The following CRACD variants were observed in gnomAD, a reference collection of about 807,000 sequenced individuals.
CRACD encodes capping protein-inhibiting regulator of actin dynamics.
CRACD carries 56 observed loss-of-function variants against 106.8 expected under a neutral mutation model. The observed-to-expected ratio is 0.52, with a 90% CI of 0.42 to 0.66. The LOEUF is 0.66. CRACD is among the 30% of genes least tolerant of loss of function. The pLI is 0.00. For missense variants in CRACD, 1,730 were observed against 1,623.2 expected (o/e 1.07, Z -1.13); for synonymous variants, 754 against 670.8 (o/e 1.12, Z -1.92).
intron 1 of CRACD, among the ~76,000 whole-genome samples, chr4:56,175,507 A>T (rs1356080768): frequency 1.3e-5 from 2 of 152,036 alleles, no homozygotes; most frequent in East Asian, 1.9e-4. Flanking sequence ...ATTTTTTAAA[A>T]TTTTTTAAAT....
At chr4:56,136,720 C>G (rs1735012730) in intron 1 of CRACD, among the ~76,000 whole-genome samples, 1 of 152,048 alleles carries the variant, frequency 6.6e-6, no homozygotes, top group Non-Finnish European at 1.5e-5. Context: ...TTTTCATGTT[C>G]TTAACTGTAT....
intron 1 of CRACD, among the ~76,000 whole-genome samples, chr4:56,093,899 A>G (rs1392117515): frequency 6.6e-6 from 1 of 152,166 alleles, no homozygotes; most frequent in Non-Finnish European, 1.5e-5. Flanking sequence ...TCAGTAATGT[A>G]TGCACCAGGG....
intron 1 of CRACD, among the ~76,000 whole-genome samples, chr4:56,161,106 G>A (rs1210832610): frequency 2.6e-5 from 4 of 152,154 alleles, no homozygotes; most frequent in South Asian, 2.1e-4. Flanking sequence ...TAACTGAAAA[G>A]TGTTCATTAT....
At chr4:56,269,929 G>C (rs1193032282) in intron 2 of CRACD, among the ~76,000 whole-genome samples, 1 of 152,128 alleles carries the variant, frequency 6.6e-6, no homozygotes, top group Non-Finnish European at 1.5e-5. Context: ...ACACTTTCCT[G>C]TCTTTCAAAT....
At chr4:56,257,295 T>A (rs1741420564) in intron 2 of CRACD, among the ~76,000 whole-genome samples, 1 of 151,956 alleles carries the variant, frequency 6.6e-6, no homozygotes, top group Admixed American at 6.5e-5. Context: ...CTGGCCAGGC[T>A]GGTCTCAAAT....
intron 1 of CRACD, among the ~76,000 whole-genome samples, chr4:56,135,071 C>T (rs1734955122): frequency 1.3e-5 from 2 of 151,984 alleles, no homozygotes; most frequent in Admixed American, 1.3e-4. Flanking sequence ...ATTACAAGGT[C>T]AAGAGTTCAA....
At chr4:56,210,869 T>G (rs1020309595) in intron 2 of CRACD, among the ~76,000 whole-genome samples, 3 of 152,200 alleles carry the variant, frequency 2.0e-5, no homozygotes, top group Non-Finnish European at 2.9e-5. Context: ...GGAAGAGTTC[T>G]CCATGCCTGG....
intron 3 of CRACD, among the ~76,000 whole-genome samples, chr4:56,289,421 C>G (rs1743575114): frequency 6.6e-6 from 1 of 152,118 alleles, no homozygotes; most frequent in African/African-American, 2.4e-5. Context: ...CCTGTAATCC[C>G]AGCACTTTGG....
intron 4 of CRACD, among the ~76,000 whole-genome samples, chr4:56,302,660 T>A (rs1180038817): frequency 6.6e-6 from 1 of 152,184 alleles, no homozygotes; most frequent in Non-Finnish European, 1.5e-5. Flanking sequence ...TTTTTTTTTA[T>A]TATTATTCAT....
At chr4:56,262,414 C>T (rs567703722) in intron 2 of CRACD, among the ~76,000 whole-genome samples, 14 of 152,326 alleles carry the variant, frequency 9.2e-5, no homozygotes, top group African/African-American at 3.4e-4. Flanking sequence ...TAAGCTTGTT[C>T]AACCTGTGGC....
chr4:56,310,890 T>A, intron 6 of CRACD, 156 bp downstream of exon 6: 1 of 596,322 alleles, frequency 1.7e-6, no homozygotes, highest in Non-Finnish European at 3.0e-6. Context: ...TAGTGACAGA[T>A]GTTGGAGCAT....
chr4:56,314,410 C>CGGAGGGAGCGGAG lies in CRACD; in HGVS notation c.912_913insGGAGCGGAGGGAG (p.Arg305GlyfsTer9), dbSNP rs1553920292. On this transcript the variant is annotated frameshift_variant, in exon 8 of 11. Transcript: ENST00000682029. LOFTEE classifies it high-confidence loss of function. This position sits in a 1 kb window ranked among gnomAD's most constrained non-coding sequence, Gnocchi z 4.4. ...CTGGAAGCGCCAGGTTGGGAGGACG[C>CGGAGGGAGCGGAG]GGAGCGGAGGGAGCGTGAGGAGCGC... 3 of 1,540,992 alleles carry CGGAGGGAGCGGAG rather than the reference C, an allele frequency of 1.9e-6. No homozygotes were observed. The highest frequency in any genetic ancestry group is 2.6e-6 in the Non-Finnish European group (3 of 1,143,526).
intron 1 of CRACD, among the ~76,000 whole-genome samples, chr4:56,092,642 G>A (rs923856650): frequency 3.3e-5 from 5 of 150,722 alleles, no homozygotes; most frequent in African/African-American, 4.9e-5. Flanking sequence ...TCACTCTGTC[G>A]CCCAGGCTGG....
At chr4:56,237,932 ATG>A (rs68102524) in intron 2 of CRACD, among the ~76,000 whole-genome samples, 20,226 of 151,962 alleles carry the variant, frequency 0.13, 1,907 homozygotes, top group East Asian at 0.49. Flanking sequence ...ATGAAAATAT[ATG>A]TGTTATATGT....
chr4:56,124,096 C>A (rs1447363931), intron 1 of CRACD, among the ~76,000 whole-genome samples: 1 of 152,112 alleles, frequency 6.6e-6, no homozygotes, highest in African/African-American at 2.4e-5. Context: ...TGCCACCACA[C>A]CCAGCTAATT....
intron 2 of CRACD, among the ~76,000 whole-genome samples, chr4:56,244,525 T>C (rs1004360324): frequency 2.6e-5 from 4 of 152,254 alleles, no homozygotes; most frequent in African/African-American, 9.6e-5. Context: ...TATTTTTTAC[T>C]TTATTGCTAA....
At chr4:56,206,038 C>A (rs141308458) in intron 2 of CRACD, among the ~76,000 whole-genome samples, 1 of 152,170 alleles carries the variant, frequency 6.6e-6, no homozygotes, top group African/African-American at 2.4e-5. Flanking sequence ...TATTTAAAGC[C>A]GACTAGAAAG....
chr4:56,057,753 A>G (rs1205025500), intron 1 of CRACD, among the ~76,000 whole-genome samples: 2 of 144,724 alleles, frequency 1.4e-5, no homozygotes, highest in Non-Finnish European at 3.0e-5. Flanking sequence ...CCTCCTGAGT[A>G]GCTGGGATTA....
chr4:56,209,173 C>G (rs559778073), intron 2 of CRACD, among the ~76,000 whole-genome samples: 2 of 152,272 alleles, frequency 1.3e-5, no homozygotes, highest in African/African-American at 4.8e-5. Flanking sequence ...TTTGACCACA[C>G]CAGATTCCCA....
Sources: allele counts gnomAD v4.1 joint callset (sites outside exome capture counted in the v4.1 genomes callset), GRCh38; gene constraint gnomAD v4.1.1; non-coding constraint Gnocchi (gnomAD v3.1); transcripts MANE v1.5; gene names NCBI Gene and HGNC (gene_info 2026-07-23, HGNC 2026-07-21).